The following REC114 variants were observed in gnomAD, a reference collection of about 807,000 sequenced individuals.
REC114 encodes the protein REC114 meiotic recombination protein, also known as meiotic recombination protein REC114.
Under a neutral mutation model 31.3 loss-of-function variants are expected in REC114, and 27 were observed. The ratio of observed to expected loss-of-function variants is 0.86; its 90% confidence interval spans 0.64 to 1.19. The LOEUF is 1.19. REC114 is among the 50% of genes most tolerant of loss of function. The pLI, the probability that REC114 is intolerant of heterozygous loss-of-function variation, is 0.00. For synonymous variants in REC114, 134 were observed against 127.7 expected, an observed-to-expected ratio of 1.05 and a Z score of -0.33; for missense variants, 344 against 326.9, an observed-to-expected ratio of 1.05 and a Z score of -0.40.
chr15:73,512,171 T>C (rs1172269773), intron 2 of REC114, among the ~76,000 whole-genome samples: 1 of 134,612 alleles, frequency 7.4e-6, no homozygotes, highest in Admixed American at 7.0e-5. Context: ...GCTCTTCTTG[T>C]TGAATTGATC....
At position 73,468,848 on chromosome 15, in the gene REC114, A is replaced by C. The variant is rs375528183; in HGVS notation, c.160-4984A>C. On this transcript the variant is annotated intron_variant, in intron 1 of 5. Coordinates refer to ENST00000331090, the MANE Select transcript of REC114 (RefSeq NM_001042367.2). ...GGTTTTTCTTTTTTAATATGTTAAC[A>C]TGGTGAATAACTTTGAGTTCACAAT... 3.9e-5 allele frequency among the ~76,000 whole-genome samples: 6 copies of C among 152,208 alleles called. No homozygotes were observed. In the South Asian group the frequency reaches 1.2e-3, roughly 32 times the overall value.
intron 2 of REC114, among the ~76,000 whole-genome samples, chr15:73,507,996 C>T (rs560586785): frequency 6.6e-6 from 1 of 152,234 alleles, no homozygotes; most frequent in African/African-American, 2.4e-5. Flanking sequence ...AAGGTTAGCG[C>T]CATTTTTGGT....
rs539119834 is a variant in REC114, at chr15:73,553,125, T to C, written c.546+1975T>C. ...CCACCGCACCCAGCTGTCACTAAGT[T>C]TCTTGTTACTCATAATTTGTCTAAG... is the stretch of plus-strand genomic sequence containing the variant. On this transcript the variant is annotated intron_variant, in intron 4 of 5. Coordinates refer to ENST00000331090, the MANE Select transcript of REC114 (RefSeq NM_001042367.2). Among the ~76,000 whole-genome samples, 18 of 152,290 alleles carry C rather than the reference T, an allele frequency of 1.2e-4. No individual in the cohort carries two copies. The South Asian group carries it at 3.7e-3, about 32-fold the overall frequency.
At chr15:73,540,636 G>A (rs1172203099) in intron 3 of REC114, 68 bp downstream of exon 3, 2 of 1,321,972 alleles carry the variant, frequency 1.5e-6, no homozygotes, top group Non-Finnish European at 2.2e-6. Flanking sequence ...GGTATTTGGG[G>A]GCATCTCTTG....
intron 2 of REC114, among the ~76,000 whole-genome samples, chr15:73,486,645 C>G (rs140572033): frequency 1.3e-5 from 2 of 152,164 alleles, no homozygotes; most frequent in Non-Finnish European, 2.9e-5. Context: ...CAGCAGGATT[C>G]GTGTCTGAGG....
intron 1 of REC114, among the ~76,000 whole-genome samples, chr15:73,447,619 G>A (rs1252970284): frequency 1.3e-5 from 2 of 151,650 alleles, no homozygotes; most frequent in Non-Finnish European, 2.9e-5. Context: ...CTGCACTCCA[G>A]CCTGGGCAAC....
intron 2 of REC114, among the ~76,000 whole-genome samples, chr15:73,517,388 A>T (rs1893872671): frequency 1.3e-5 from 2 of 152,224 alleles, no homozygotes; most frequent in Admixed American, 1.3e-4. Flanking sequence ...GGGCAAGAAG[A>T]TACATGAAGC....
chr15:73,495,480 G>T (rs1479179385), intron 2 of REC114, among the ~76,000 whole-genome samples: 2 of 146,128 alleles, frequency 1.4e-5, no homozygotes, highest in African/African-American at 2.5e-5. Flanking sequence ...AAATACCACA[G>T]TCTTAAAATA....
intron 1 of REC114, among the ~76,000 whole-genome samples, chr15:73,458,425 T>C (rs1359458446): frequency 1.3e-5 from 2 of 152,230 alleles, no homozygotes; most frequent in Non-Finnish European, 2.9e-5. Context: ...CATATGCAGA[T>C]GTAGGAGTAT....
intron 2 of REC114, among the ~76,000 whole-genome samples, chr15:73,521,227 A>G (rs1436183066): frequency 6.6e-6 from 1 of 152,228 alleles, no homozygotes; most frequent in East Asian, 1.9e-4. Flanking sequence ...GAGAAAAATC[A>G]GTAAAGATGT....
intron 2 of REC114, among the ~76,000 whole-genome samples, chr15:73,508,032 C>T (rs1893704741): frequency 2.0e-5 from 3 of 152,108 alleles, no homozygotes; most frequent in Non-Finnish European, 4.4e-5. Context: ...CTTGTATTTG[C>T]TGTGTTGTGG....
intron 1 of REC114, among the ~76,000 whole-genome samples, chr15:73,448,363 A>G (rs1327528436): frequency 6.6e-6 from 1 of 152,184 alleles, no homozygotes; most frequent in African/African-American, 2.4e-5. Context: ...TTACCCTTAC[A>G]GTGTAAACAA....
chr15:73,487,733 A>C (rs553613699), intron 2 of REC114, among the ~76,000 whole-genome samples: 1 of 152,216 alleles, frequency 6.6e-6, no homozygotes, highest in African/African-American at 2.4e-5. Context: ...TACAGTTGTG[A>C]GATCTCAGGA....
intron 2 of REC114, among the ~76,000 whole-genome samples, chr15:73,504,321 CT>C (rs1893645219): frequency 6.6e-6 from 1 of 151,928 alleles, no homozygotes; most frequent in Non-Finnish European, 1.5e-5. Context: ...TTTTATATTT[CT>C]TTGTTTTTCA....
chr15:73,498,211 T>A (rs559070842), intron 2 of REC114, among the ~76,000 whole-genome samples: 1 of 152,158 alleles, frequency 6.6e-6, no homozygotes, highest in Non-Finnish European at 1.5e-5. Flanking sequence ...CCTATGACAA[T>A]ACTGTGTACA....
intron 1 of REC114, among the ~76,000 whole-genome samples, chr15:73,446,394 C>A (rs948027639): frequency 3.3e-5 from 5 of 152,298 alleles, no homozygotes; most frequent in South Asian, 2.1e-4. Flanking sequence ...AATCCCAGCA[C>A]TTTGGGAGGC....
intron 2 of REC114, among the ~76,000 whole-genome samples, chr15:73,493,965 T>C (rs913325991): frequency 5.9e-5 from 9 of 152,198 alleles, no homozygotes; most frequent in African/African-American, 1.9e-4. Context: ...TTATTTTTTC[T>C]ATGGCTCCCC....
At chr15:73,512,162 CTCT>C (rs1373015377) in intron 2 of REC114, among the ~76,000 whole-genome samples, 4 of 136,566 alleles carry the variant, frequency 2.9e-5, no homozygotes, top group East Asian at 2.0e-4. Flanking sequence ...GGATAGTTAG[CTCT>C]TCTTGTTGAA....
intron 2 of REC114, among the ~76,000 whole-genome samples, chr15:73,492,162 A>G (rs1893456249): frequency 6.6e-6 from 1 of 152,148 alleles, no homozygotes; most frequent in Non-Finnish European, 1.5e-5. Context: ...ATTCCCTTCC[A>G]GTGACTACTA....
Sources: gnomAD v4.1 joint callset for allele counts (sites outside exome capture counted in the v4.1 genomes callset) on GRCh38, gnomAD v4.1.1 for gene constraint, MANE v1.5 for transcripts, NCBI Gene and HGNC (gene_info 2026-07-23, HGNC 2026-07-21) for gene names.